RGS6: variants seen among roughly 807,000 people sequenced by gnomAD.
RGS6 encodes the protein regulator of G protein signaling 6.
A neutral mutation model predicts 78.5 loss-of-function variants in RGS6; 30 were observed. That is an observed-to-expected ratio of 0.38 (90% CI 0.29 to 0.52). The LOEUF (loss-of-function observed/expected upper bound fraction) is 0.52. Among genes scored for constraint, RGS6 ranks in the 20% least tolerant of loss-of-function variants. The pLI is 0.85. For synonymous variants in RGS6, 206 were observed against 206.0 expected (o/e 1.00, Z 0.00); for missense variants, 495 against 609.7 (o/e 0.81, Z 1.98).
intron 2 of RGS6, among the ~76,000 whole-genome samples, chr14:72,121,448 C>T (rs1056187066): frequency 1.3e-5 from 2 of 152,166 alleles, no homozygotes; most frequent in African/African-American, 4.8e-5. Flanking sequence ...GCCAACTGCC[C>T]ACACACACTT....
intron 17 of RGS6, chr14:72,541,276 C>A: frequency 6.9e-7 from 1 of 1,440,292 alleles, no homozygotes. Flanking sequence ...AAGTCTAAGG[C>A]TCCTGGGTTG....
chr14:72,150,806 C>A lies in RGS6; in HGVS notation c.84+185931C>A, dbSNP rs552267928. On this transcript the variant is annotated intron_variant, in intron 2 of 17. Transcript: ENST00000553525. ...ATTGATCCAATCACCTCCTACCAGG[C>A]CCCTCTTTCAACCTTGGGGATTACA... Among the ~76,000 whole-genome samples the A allele has an allele frequency of 2.0e-5, 3 of 152,266 alleles. No individual in the cohort carries two copies. In the East Asian group the frequency reaches 5.8e-4, roughly 29 times the overall value.
chr14:72,503,309 A>G (rs990671632), intron 13 of RGS6, among the ~76,000 whole-genome samples: 1 of 152,238 alleles, frequency 6.6e-6, no homozygotes, highest in Non-Finnish European at 1.5e-5. Flanking sequence ...TTCTACCTCA[A>G]GATCCCCAGA....
intron 2 of RGS6, among the ~76,000 whole-genome samples, chr14:72,088,276 A>G (rs1707158632): frequency 6.6e-6 from 1 of 152,162 alleles, no homozygotes; most frequent in African/African-American, 2.4e-5. Flanking sequence ...TTTGAATCAG[A>G]GCTGCAAGTG....
intron 2 of RGS6, among the ~76,000 whole-genome samples, chr14:71,996,527 C>T (rs1331895618): frequency 1.3e-5 from 2 of 152,196 alleles, no homozygotes; most frequent in South Asian, 4.2e-4. Flanking sequence ...GACCCTGACT[C>T]AGCCTGAGGT....
chr14:72,299,566 A>C (rs1254602678), intron 2 of RGS6, among the ~76,000 whole-genome samples: 1 of 152,262 alleles, frequency 6.6e-6, no homozygotes, highest in Admixed American at 6.5e-5. Flanking sequence ...ACTGTTTTCC[A>C]AAATAACTGC....
chr14:72,410,219 G>A (rs1331071026), intron 3 of RGS6, among the ~76,000 whole-genome samples: 2 of 152,164 alleles, frequency 1.3e-5, no homozygotes, highest in African/African-American at 2.4e-5. Context: ...ATCCTCTCCA[G>A]CACCTGTTGT....
At chr14:72,202,552 AAT>A (rs1265767926) in intron 2 of RGS6, among the ~76,000 whole-genome samples, 3 of 152,142 alleles carry the variant, frequency 2.0e-5, no homozygotes, top group Non-Finnish European at 4.4e-5. Context: ...AACATTTAAA[AAT>A]ATCTCGCTCT....
chr14:72,076,074 C>A (rs11158943), intron 2 of RGS6, among the ~76,000 whole-genome samples: 106,476 of 152,118 alleles, frequency 0.7, 37,427 homozygotes, highest in East Asian at 0.8. Flanking sequence ...CCTGGGAGAC[C>A]ACATGTGACT....
At chr14:72,390,111 T>TTTTA (rs2089544675) in intron 3 of RGS6, among the ~76,000 whole-genome samples, 1 of 148,354 alleles carries the variant, frequency 6.7e-6, no homozygotes, top group African/African-American at 2.5e-5. Context: ...TTTTTTTTTT[T>TTTTA]AACTGAGACA....
intron 15 of RGS6, among the ~76,000 whole-genome samples, chr14:72,528,764 C>T (rs2097147981): frequency 1.3e-5 from 2 of 152,216 alleles, no homozygotes; most frequent in African/African-American, 4.8e-5. Context: ...TCTCCATCCC[C>T]TTAGGAATTT....
At chr14:72,500,048 T>C (rs138164940) in intron 13 of RGS6, among the ~76,000 whole-genome samples, 2 of 152,388 alleles carry the variant, frequency 1.3e-5, no homozygotes, top group East Asian at 3.9e-4. Flanking sequence ...TAATTCACAA[T>C]GATAAAATGA....
the RGS6 span, among the ~76,000 whole-genome samples, chr14:72,602,146 A>G: frequency 2.6e-5 from 4 of 152,246 alleles, no homozygotes; most frequent in African/African-American, 7.2e-5. Context: ...GAAAAGGAAA[A>G]ACAGACAAAG....
chr14:72,519,111 GA>G (rs2096994450), intron 15 of RGS6, among the ~76,000 whole-genome samples: 2 of 152,336 alleles, frequency 1.3e-5, no homozygotes, highest in East Asian at 3.9e-4. Context: ...TCAACAGTGT[GA>G]AAAGTGCCCC....
At chr14:72,365,228 A>G (rs1476653672) in intron 3 of RGS6, among the ~76,000 whole-genome samples, 1 of 152,250 alleles carries the variant, frequency 6.6e-6, no homozygotes, top group Non-Finnish European at 1.5e-5. Context: ...AAAAAAGTCA[A>G]AACTGAGATA....
intron 2 of RGS6, among the ~76,000 whole-genome samples, chr14:71,966,048 C>T (rs1342024107): frequency 6.6e-6 from 1 of 152,180 alleles, no homozygotes; most frequent in African/African-American, 2.4e-5. Context: ...TATTTTAGTA[C>T]ATGCTGAATT....
chr14:71,989,585 C>A (rs1042869029), intron 2 of RGS6, among the ~76,000 whole-genome samples: 3 of 152,332 alleles, frequency 2.0e-5, no homozygotes, highest in South Asian at 2.1e-4. Flanking sequence ...GGTAAAGAGG[C>A]CTTTCTAGGC....
intron 17 of RGS6, among the ~76,000 whole-genome samples, chr14:72,560,834 G>GTA (rs1255896490): frequency 1.4e-5 from 2 of 140,440 alleles, no homozygotes; most frequent in Non-Finnish European, 3.1e-5. Flanking sequence ...GTGTGTGTGT[G>GTA]TGTGTTTAAG....
chr14:71,899,948 C>T, the RGS6 span, among the ~76,000 whole-genome samples: 2 of 152,224 alleles, frequency 1.3e-5, no homozygotes, highest in Admixed American at 6.5e-5. Context: ...AGTCTCCTCT[C>T]TTATATCTCA....
Sources: gnomAD v4.1 joint callset for allele counts (sites outside exome capture counted in the v4.1 genomes callset) on GRCh38, gnomAD v4.1.1 for gene constraint, MANE v1.5 for transcripts, NCBI Gene and HGNC (gene_info 2026-07-23, HGNC 2026-07-21) for gene names.